The following HS2ST1 variants were observed in gnomAD, a reference collection of about 807,000 sequenced individuals.
The protein encoded by HS2ST1 is 2-O-sulfotransferase.
HS2ST1 carries 18 observed loss-of-function variants against 42.9 expected under a neutral mutation model. The ratio of observed to expected loss-of-function variants is 0.42; its 90% confidence interval spans 0.29 to 0.62. HS2ST1 has a LOEUF of 0.62. Ranked by LOEUF, HS2ST1 falls within the 20% of genes least tolerant of loss-of-function variation. The pLI, the probability that HS2ST1 is intolerant of heterozygous loss-of-function variation, is 0.21. For missense variants in HS2ST1, 334 were observed against 433.8 expected (o/e 0.77, Z 2.04); for synonymous variants, 146 against 152.9 (o/e 0.95, Z 0.33).
chr1:87,060,254 G>C (rs1196759049), intron 1 of HS2ST1, among the ~76,000 whole-genome samples: 4 of 152,088 alleles, frequency 2.6e-5, no homozygotes, highest in Admixed American at 1.3e-4. Context: ...CTATTTCAAA[G>C]GAATGTTGCA....
intron 1 of HS2ST1, among the ~76,000 whole-genome samples, chr1:87,023,465 T>TAAAAA (rs386367573): frequency 6.8e-6 from 1 of 146,538 alleles, no homozygotes; most frequent in Non-Finnish European, 1.5e-5. Flanking sequence ...CAAGATATGT[T>TAAAAA]AAAAAAAAAA....
chr1:86,941,666 C>T (rs1281338364), intron 1 of HS2ST1, among the ~76,000 whole-genome samples: 1 of 151,750 alleles, frequency 6.6e-6, no homozygotes, highest in Admixed American at 6.6e-5. Context: ...CCCAGCTACT[C>T]AGGAGGCTAA....
intron 1 of HS2ST1, among the ~76,000 whole-genome samples, chr1:87,011,387 T>C (rs1394686466): frequency 6.6e-6 from 1 of 151,974 alleles, no homozygotes; most frequent in Non-Finnish European, 1.5e-5. Flanking sequence ...GGACCACAGG[T>C]GCACACCACC....
In HS2ST1 at chr1:87,104,656, A is replaced by G. The variant is rs764774406; in HGVS notation, c.1031A>G (p.Gln344Arg). Residue 344 changes from glutamine (Q) to arginine (R), a missense_variant, in exon 7 of 7, where the codon CAA (glutamine) becomes CGA (arginine). Physicochemically the swap from Gln to Arg is conservative, Grantham distance 43. Coordinates refer to ENST00000370550, the MANE Select transcript of HS2ST1 (RefSeq NM_012262.4). ...GATGGAGACCTCTACATCCTCGCACAAAACTTTTTCTATGAAAAGATTTAC... is the reference window on the plus strand; with the variant it reads ...GATGGAGACCTCTACATCCTCGCACGAAACTTTTTCTATGAAAAGATTTAC... Reference protein sequence around the residue: ...EKDGDLYILAQNFFYEKIYPK... With the variant: ...EKDGDLYILARNFFYEKIYPK... The G allele has an allele frequency of 9.9e-6, 16 of 1,613,320 alleles. No homozygotes were observed. Among genetic ancestry groups the G allele is most frequent in the Non-Finnish European group, 1.4e-5 (16 of 1,179,384 alleles).
intron 1 of HS2ST1, among the ~76,000 whole-genome samples, chr1:86,956,069 CAT>C (rs926039520): frequency 6.6e-6 from 1 of 152,142 alleles, no homozygotes; most frequent in Middle Eastern, 3.2e-3. Context: ...TCTCTTCATA[CAT>C]ATATGTGTGT....
intron 1 of HS2ST1, among the ~76,000 whole-genome samples, chr1:86,949,255 C>T (rs1023887155): frequency 7.9e-5 from 12 of 152,208 alleles, no homozygotes; most frequent in Middle Eastern, 6.8e-3. Flanking sequence ...ATTACAGGCA[C>T]ATACCACCAT....
At chr1:87,027,463 C>T (rs888838048) in intron 1 of HS2ST1, among the ~76,000 whole-genome samples, 14 of 152,116 alleles carry the variant, frequency 9.2e-5, no homozygotes, top group African/African-American at 3.4e-4. Flanking sequence ...TCAAATTATT[C>T]TTCCTCAACT....
In HS2ST1 at chr1:86,999,942, A is replaced by C. The variant is rs115977500; in HGVS notation, c.125-72992A>C. 3.3e-3 allele frequency among the ~76,000 whole-genome samples: 503 copies of C among 152,362 alleles called. 3 individuals are homozygous for C. The highest frequency in any genetic ancestry group is 0.011 in the African/African-American group (461 of 41,596). The stretch of plus-strand genomic sequence containing the variant: ...GGAATGCCTCTTTGTAAATGGCAGT[A>C]ATATTCCAAATGATTAGTTATGCCA... On this transcript the variant is annotated intron_variant, in intron 1 of 6. Transcript: ENST00000370550.
At chr1:87,049,764 C>G (rs576373891) in intron 1 of HS2ST1, among the ~76,000 whole-genome samples, 18 of 151,964 alleles carry the variant, frequency 1.2e-4, no homozygotes, top group Non-Finnish European at 2.4e-4. Flanking sequence ...CTCTAAATGC[C>G]AATTGGCTAA....
intron 1 of HS2ST1, among the ~76,000 whole-genome samples, chr1:87,058,603 AACATT>A (rs1311823095): frequency 6.6e-6 from 1 of 151,544 alleles, no homozygotes; most frequent in Non-Finnish European, 1.5e-5. Flanking sequence ...TGTGACTTGA[AACATT>A]AATTACTGTG....
intron 1 of HS2ST1, among the ~76,000 whole-genome samples, chr1:87,065,265 G>T (rs1651220283): frequency 6.6e-6 from 1 of 152,192 alleles, no homozygotes; most frequent in South Asian, 2.1e-4. Context: ...AAAATGCAAA[G>T]GATCCAATTT....
rs1469783688 is a variant in HS2ST1, at chr1:86,914,661, C to T, written c.-376C>T. 2.9e-5 allele frequency: 6 copies of T among 209,278 alleles called. No homozygotes were observed. The East Asian group carries it at 5.9e-4, about 20-fold the overall frequency. The allele number at this position is 209,278 out of a possible 1,614,324, so 13.0% of individuals were successfully genotyped here. ...CAGCCGCAGCGCCGGTGGAGGGGCG[C>T]GCGGCCGCGAGCAAAGGAGGGAGGG... On this transcript the variant is annotated 5_prime_UTR_variant, in exon 1 of 7. Transcript: ENST00000370550.
chr1:86,933,114 A>C (rs1472293364), intron 1 of HS2ST1, among the ~76,000 whole-genome samples: 1 of 152,134 alleles, frequency 6.6e-6, no homozygotes, highest in South Asian at 2.1e-4. Flanking sequence ...AAGTTTTTTC[A>C]TATGGATTCT....
chr1:87,019,039 G>A (rs997118403), intron 1 of HS2ST1, among the ~76,000 whole-genome samples: 1 of 152,112 alleles, frequency 6.6e-6, no homozygotes, highest in Non-Finnish European at 1.5e-5. Flanking sequence ...TATAATGTTA[G>A]TTTTGATGAC....
chr1:87,045,944 T>C (rs970571084), intron 1 of HS2ST1: 4 of 710,880 alleles, frequency 5.6e-6, no homozygotes, highest in Admixed American at 5.4e-5. Context: ...CTGGTTACTA[T>C]TGATGTCAGC....
At chr1:87,042,204 T>C (rs534516653) in intron 1 of HS2ST1, among the ~76,000 whole-genome samples, 12 of 152,170 alleles carry the variant, frequency 7.9e-5, no homozygotes, top group Non-Finnish European at 1.6e-4. Flanking sequence ...TATAGCAGTT[T>C]CTTATATGTT....
chr1:86,915,295 A>T, intron 1 of HS2ST1, 135 bp downstream of exon 1: 1 of 990,796 alleles, frequency 1.0e-6, no homozygotes, highest in South Asian at 1.7e-5. Flanking sequence ...AACCGGGAAC[A>T]AGGGGCAGCG....
chr1:87,029,681 T>C (rs1166248290), intron 1 of HS2ST1, among the ~76,000 whole-genome samples: 3 of 152,180 alleles, frequency 2.0e-5, no homozygotes, highest in African/African-American at 4.8e-5. Context: ...TTTTGACTTA[T>C]GTGAAATCTA....
In HS2ST1 at chr1:87,017,506, G is replaced by A. The variant is rs572156436; in HGVS notation, c.125-55428G>A. Among the ~76,000 whole-genome samples, 126 of 152,218 alleles carry A rather than the reference G, an allele frequency of 8.3e-4. 2 individuals carry two copies. Among genetic ancestry groups the A allele is most frequent in the Non-Finnish European group, 2.2e-4 (15 of 68,022 alleles). On this transcript the variant is annotated intron_variant, in intron 1 of 6. Coordinates refer to ENST00000370550, the MANE Select transcript of HS2ST1 (RefSeq NM_012262.4). ...CATAGTCTAGCCATTATAACCATAT[G>A]TTATATATACATAGCAAGGAGAAAT...
Sources: gnomAD v4.1 joint callset for allele counts (sites outside exome capture counted in the v4.1 genomes callset) on GRCh38, gnomAD v4.1.1 for gene constraint, MANE v1.5 for transcripts, NCBI Gene and HGNC (gene_info 2026-07-23, HGNC 2026-07-21) for gene names.